Variants in KLC1 observed in about 807,000 individuals in gnomAD.
KLC1 encodes the protein kinesin 2 60/70kDa.
KLC1 carries 30 observed loss-of-function variants against 84.2 expected under a neutral mutation model. The observed-to-expected ratio is 0.36, with a 90% CI of 0.27 to 0.48. The LOEUF (loss-of-function observed/expected upper bound fraction) is 0.48. KLC1 is among the 20% of genes least tolerant of loss of function. The pLI, the probability that KLC1 is intolerant of heterozygous loss-of-function variation, is 0.99. For synonymous variants in KLC1, 289 were observed against 293.3 expected (o/e 0.99, Z 0.15); for missense variants, 499 against 805.4 (o/e 0.62, Z 4.60).
intron 1 of KLC1, among the ~76,000 whole-genome samples, chr14:103,643,089 A>G (rs1025008624): frequency 1.1e-4 from 17 of 152,196 alleles, no homozygotes; most frequent in Non-Finnish European, 2.1e-4. Context: ...ATTTTTAACA[A>G]TTAGTATTTT....
chr14:103,666,105 C>T (rs1458967686), intron 5 of KLC1, among the ~76,000 whole-genome samples: 3 of 151,780 alleles, frequency 2.0e-5, no homozygotes, highest in East Asian at 3.9e-4. Context: ...TCGCTGTCAC[C>T]CAGGCTGGAG....
Position 103,685,518 on chromosome 14 carries a change from C to T in KLC1, c.1651-1563C>T, listed in dbSNP as rs556088148. The T allele has an allele frequency of 3.4e-5, 44 of 1,281,720 alleles. No individual in the cohort carries two copies. The African/African-American group carries it at 6.7e-4, about 19-fold the overall frequency. The allele number at this position is 1,281,720 out of a possible 1,614,324, so 79.4% of individuals were successfully genotyped here. A position where few individuals can be genotyped will look rare whatever the true frequency, so the allele number is the denominator to read the frequency against. ...GAAGGTCATCCCAGTCCTAAAGCCA[C>T]TCAGAAGGCTGCTGAGACTTGTGAC... is the stretch of plus-strand genomic sequence containing the variant. On this transcript the variant is annotated intron_variant, in intron 13 of 16. Transcript: ENST00000334553.
Position 103,639,210 on chromosome 14 carries a change from T to G in KLC1, c.-2+9716T>G, listed in dbSNP as rs1468348331. 3.3e-5 allele frequency among the ~76,000 whole-genome samples: 5 copies of G among 152,328 alleles called. No individual in the cohort carries two copies. The East Asian group carries it at 9.6e-4, about 29-fold the overall frequency. ...TGGAGTCTTGCTCTGTTGTCCAGGCTGGAGTACAGTGGCATGATCTTGGCT... is the reference window on the plus strand; with the variant it reads ...TGGAGTCTTGCTCTGTTGTCCAGGCGGGAGTACAGTGGCATGATCTTGGCT... On this transcript the variant is annotated intron_variant, in intron 1 of 16. Coordinates refer to ENST00000334553, the MANE Select transcript of KLC1 (RefSeq NM_001394837.1).
chr14:103,657,081 G>A (rs1217429734), intron 2 of KLC1, among the ~76,000 whole-genome samples: 1 of 152,070 alleles, frequency 6.6e-6, no homozygotes, highest in African/African-American at 2.4e-5. Context: ...TCTCACCTTG[G>A]AACATCAAGG....
intron 1 of KLC1, among the ~76,000 whole-genome samples, chr14:103,631,051 A>G (rs996049068): frequency 2.0e-5 from 3 of 152,050 alleles, no homozygotes; most frequent in African/African-American, 7.2e-5. Flanking sequence ...TCAGTATTTC[A>G]TAGCAAATAA....
At chr14:103,630,058 C>G (rs991652667) in intron 1 of KLC1, among the ~76,000 whole-genome samples, 2 of 152,262 alleles carry the variant, frequency 1.3e-5, no homozygotes, top group African/African-American at 2.4e-5. Flanking sequence ...GGGGCCGGGT[C>G]CCTCCCGAGA....
chr14:103,700,440 A>G, intron 15 of KLC1: 1 of 469,580 alleles, frequency 2.1e-6, no homozygotes, highest in Non-Finnish European at 3.7e-6. Flanking sequence ...GTGATGGGGG[A>G]GGGTGACACA....
chr14:103,647,935 A>G (rs2078078926), intron 1 of KLC1, among the ~76,000 whole-genome samples: 1 of 150,666 alleles, frequency 6.6e-6, no homozygotes, highest in Non-Finnish European at 1.5e-5. Context: ...TTTGTAAAAG[A>G]CCAGGTCTAT....
chr14:103,684,955 T>A, intron 13 of KLC1: 1 of 839,408 alleles, frequency 1.2e-6, no homozygotes, highest in Non-Finnish European at 2.0e-6. Flanking sequence ...TTTGAGGTGT[T>A]GGTAACAAGT....
rs777522362 is a variant in KLC1, at chr14:103,693,074, C to T, written c.1848+649C>T. Among the ~76,000 whole-genome samples, 1 of 152,216 alleles carries T rather than the reference C, an allele frequency of 6.6e-6. No individual in the cohort carries two copies. Among genetic ancestry groups the T allele is most frequent in the Non-Finnish European group, 1.5e-5 (1 of 68,038 alleles). ...ACCTGTTTCTCAGGTGCCTGGGGCC[C>T]ACCCGGCAGCTCGAGCTGTTGGGAC... On this transcript the variant is annotated intron_variant, in intron 15 of 16. Transcript: ENST00000334553. The surrounding 1 kb of genome is among the most constrained non-coding windows in gnomAD (Gnocchi z 5.1).
intron 5 of KLC1, among the ~76,000 whole-genome samples, chr14:103,668,924 C>T (rs980716407): frequency 1.3e-5 from 2 of 151,192 alleles, no homozygotes; most frequent in Non-Finnish European, 2.9e-5. Flanking sequence ...ACTAAAGCCG[C>T]CTGCTACCAC....
rs1210961715 is a variant in KLC1, at chr14:103,662,128, A to G, written c.505A>G (p.Thr169Ala). The G allele has an allele frequency of 6.2e-7, 1 of 1,613,800 alleles. No individual in the cohort carries two copies. The highest frequency in any genetic ancestry group is 1.1e-5 in the South Asian group (1 of 91,074). Residue 169 changes from threonine (T) to alanine (A), a missense_variant, in exon 4 of 17, where the codon ACT becomes GCT. Thr to Ala is a moderately conservative substitution (Grantham distance 58). Around this residue, in one of 3 missense-constraint regions of KLC1, gnomAD observed 179 missense variants for 264.2 expected, o/e 0.68. Transcript: ENST00000334553. ...DDISPSEDKD[T>A]DSTKEPLDDL... The stretch of plus-strand genomic sequence containing the variant: ...GTCTGTTTTATAGGAGGACAAAGAC[A>G]CTGATTCTACCAAAGAGCCTCTGGA...
chr14:103,697,561 G>C (rs549258850), intron 15 of KLC1: 1 of 152,194 alleles, frequency 6.6e-6, no homozygotes, highest in African/African-American at 2.4e-5. Context: ...ATACTTCAAT[G>C]TGTATAAATT....
chr14:103,677,588 TGAA>T, intron 12 of KLC1, 65 bp downstream of exon 12: 3 of 884,572 alleles, frequency 3.4e-6, no homozygotes, highest in Non-Finnish European at 5.6e-6. Flanking sequence ...CTCTTTTACA[TGAA>T]TTTTATTGAA....
intron 12 of KLC1, among the ~76,000 whole-genome samples, chr14:103,678,526 G>A (rs76406044): frequency 0.019 from 2,745 of 147,304 alleles, 74 homozygotes; most frequent in African/African-American, 0.06. Context: ...CTCTACAAAA[G>A]TTTTTTTTTT....
chr14:103,662,540 A>T (rs1023286909), intron 4 of KLC1, among the ~76,000 whole-genome samples, 162 bp from the exon 5 acceptor site: 1 of 151,436 alleles, frequency 6.6e-6, no homozygotes, highest in Admixed American at 6.6e-5. Context: ...TGTAGTCACT[A>T]CTCTTACCCT....
intron 8 of KLC1, 32 bp from the exon 9 acceptor site, chr14:103,673,300 A>G (rs767566957): frequency 1.3e-6 from 2 of 1,541,622 alleles, no homozygotes; most frequent in African/African-American, 1.4e-5. Context: ...CATCTGAAAG[A>G]TATGAAATAT....
intron 15 of KLC1, chr14:103,696,092 G>GCACCAC (rs2082461513): frequency 1.3e-6 from 1 of 758,922 alleles, no homozygotes; most frequent in African/African-American, 2.8e-5. Context: ...TAATCACTGC[G>GCACCAC]CCCCCGCCCC....
At chr14:103,681,832 G>GT (rs1220461794) in intron 13 of KLC1, among the ~76,000 whole-genome samples, 1 of 152,232 alleles carries the variant, frequency 6.6e-6, no homozygotes, top group East Asian at 1.9e-4. Context: ...ATTAGAGACA[G>GT]TAAAAGGGGC....
Sources: allele counts gnomAD v4.1 joint callset (sites outside exome capture counted in the v4.1 genomes callset), GRCh38; gene constraint gnomAD v4.1.1; regional missense constraint gnomAD v4.1.1; non-coding constraint Gnocchi (gnomAD v3.1); transcripts MANE v1.5; gene names NCBI Gene and HGNC (gene_info 2026-07-23, HGNC 2026-07-21).